The following PRKN variants were observed in gnomAD, a reference collection of about 807,000 sequenced individuals.
PRKN encodes the protein parkin RBR E3 ubiquitin protein ligase.
A neutral mutation model predicts 59.5 loss-of-function variants in PRKN; 56 were observed. The observed-to-expected ratio is 0.94, with a 90% CI of 0.76 to 1.18. The LOEUF (loss-of-function observed/expected upper bound fraction) is 1.18, where lower values mean the gene tolerates loss of function less well. Ranked by LOEUF, PRKN falls within the 50% of genes most tolerant of loss-of-function variation. The probability of loss-of-function intolerance (pLI) is 0.00; values close to 1 mark genes in which losing one functional copy is unlikely to be tolerated. For missense variants in PRKN, 657 were observed against 596.4 expected (o/e 1.10, Z -1.06); for synonymous variants, 250 against 222.1 (o/e 1.13, Z -1.12).
Position 161,444,706 on chromosome 6 carries a change from G to A in PRKN, c.1084-57829C>T, listed in dbSNP as rs541286828. Among the ~76,000 whole-genome samples, 1 of 152,348 alleles carries A rather than the reference G, an allele frequency of 6.6e-6. No individual in the cohort carries two copies. Among genetic ancestry groups the A allele is most frequent in the East Asian group, 1.9e-4 (1 of 5,178 alleles). On this transcript the variant is annotated intron_variant, in intron 9 of 11. Coordinates refer to ENST00000366898, the MANE Select transcript of PRKN (RefSeq NM_004562.3). The surrounding 1 kb of genome is among the most constrained non-coding windows in gnomAD (Gnocchi z 5.6). ...CAGCGAGCTTTGCACGAGCGCTACC[G>A]CGTGGCGGTGGAAACATTTGTTCCC...
chr6:161,877,233 C>A (rs1253832325), intron 6 of PRKN, among the ~76,000 whole-genome samples: 1 of 152,036 alleles, frequency 6.6e-6, no homozygotes, highest in Non-Finnish European at 1.5e-5. Flanking sequence ...TGGTGTCCCC[C>A]ACTCCAGCCA....
chr6:162,205,685 C>T (rs1197431072), intron 3 of PRKN, among the ~76,000 whole-genome samples: 1 of 152,078 alleles, frequency 6.6e-6, no homozygotes, highest in Non-Finnish European at 1.5e-5. Context: ...CCCAAGAGAA[C>T]TCTCTGCAAT....
At chr6:162,671,430 C>T (rs1779313114) in intron 1 of PRKN, among the ~76,000 whole-genome samples, 1 of 147,986 alleles carries the variant, frequency 6.8e-6, no homozygotes, top group African/African-American at 2.5e-5. Flanking sequence ...ACCCGGAAGG[C>T]GGAGGATGCA....
chr6:162,355,074 A>G (rs1322246932), intron 2 of PRKN, among the ~76,000 whole-genome samples: 1 of 152,014 alleles, frequency 6.6e-6, no homozygotes. Flanking sequence ...AAAGCCTATA[A>G]GACAGTCTAC....
intron 9 of PRKN, among the ~76,000 whole-genome samples, chr6:161,415,975 G>A (rs1162734743): frequency 6.6e-6 from 1 of 151,938 alleles, no homozygotes; most frequent in African/African-American, 2.4e-5. Flanking sequence ...CTCCCTCCGG[G>A]TCCCGTCTTT....
intron 2 of PRKN, among the ~76,000 whole-genome samples, chr6:162,279,357 G>A (rs996449479): frequency 6.9e-6 from 1 of 145,252 alleles, no homozygotes; most frequent in East Asian, 2.0e-4. Flanking sequence ...AAGAAAGAAA[G>A]AAAGAGAGAG....
chr6:162,478,641 C>G (rs753860913), intron 1 of PRKN, among the ~76,000 whole-genome samples: 1 of 152,024 alleles, frequency 6.6e-6, no homozygotes, highest in African/African-American at 2.4e-5. Context: ...TTAAGAATTG[C>G]GTTGTTAGGG....
chr6:161,734,845 A>T (rs1787898840), intron 7 of PRKN, among the ~76,000 whole-genome samples: 1 of 152,068 alleles, frequency 6.6e-6, no homozygotes, highest in Non-Finnish European at 1.5e-5. Flanking sequence ...TCCCTTTCCC[A>T]TTTGCCTATA....
At chr6:162,438,363 T>C (rs1358900986) in intron 2 of PRKN, among the ~76,000 whole-genome samples, 3 of 152,212 alleles carry the variant, frequency 2.0e-5, no homozygotes, top group African/African-American at 7.2e-5. Flanking sequence ...TTTAACCATA[T>C]TTTTGCTTAC....
Position 161,371,233 on chromosome 6 carries a change from C to T in PRKN, c.1168-11028G>A, listed in dbSNP as rs1381610871. Among the ~76,000 whole-genome samples the T allele has an allele frequency of 6.6e-6, 1 of 151,766 alleles. No homozygotes were observed. Among genetic ancestry groups the T allele is most frequent in the Admixed American group, 6.6e-5 (1 of 15,222 alleles). ...AGGCTGGAGTGCAATGGTGAAATCT[C>T]CGCTCACTGCAACCTCCACCTCCTG... On this transcript the variant is annotated intron_variant, in intron 10 of 11. Transcript: ENST00000366898. This position sits in a 1 kb window ranked among gnomAD's most constrained non-coding sequence, Gnocchi z 5.5.
intron 1 of PRKN, among the ~76,000 whole-genome samples, chr6:162,585,868 A>AT (rs111600883): frequency 6.6e-6 from 1 of 151,432 alleles, no homozygotes; most frequent in African/African-American, 2.4e-5. Flanking sequence ...TGCCCGGCTA[A>AT]TTTTTTTTGT....
At chr6:161,605,718 C>T (rs1782255892) in intron 7 of PRKN, among the ~76,000 whole-genome samples, 1 of 152,054 alleles carries the variant, frequency 6.6e-6, no homozygotes, top group Admixed American at 6.5e-5. Flanking sequence ...CCACGTTGGC[C>T]AGGCTGGTCT....
At chr6:161,888,295 C>T (rs1215282932) in intron 6 of PRKN, among the ~76,000 whole-genome samples, 1 of 152,150 alleles carries the variant, frequency 6.6e-6, no homozygotes, top group Non-Finnish European at 1.5e-5. Context: ...ACCTTCTACC[C>T]ATTCATGTTA....
At chr6:161,756,996 T>C (rs1788954719) in intron 7 of PRKN, among the ~76,000 whole-genome samples, 1 of 152,170 alleles carries the variant, frequency 6.6e-6, no homozygotes. Context: ...AGCAAAAGGA[T>C]ACTCTCTTCA....
At chr6:162,438,269 A>G (rs997314437) in intron 2 of PRKN, among the ~76,000 whole-genome samples, 9 of 152,176 alleles carry the variant, frequency 5.9e-5, no homozygotes, top group Admixed American at 3.9e-4. Context: ...TACATGTAGA[A>G]CTACATTAGA....
intron 7 of PRKN, among the ~76,000 whole-genome samples, chr6:161,623,170 T>C (rs1440367867): frequency 6.6e-6 from 1 of 152,240 alleles, no homozygotes; most frequent in Non-Finnish European, 1.5e-5. Context: ...GTGAGTCCAC[T>C]GAGGGCACCT....
At chr6:162,233,496 A>G (rs547614188) in intron 3 of PRKN, among the ~76,000 whole-genome samples, 22 of 152,336 alleles carry the variant, frequency 1.4e-4, no homozygotes, top group African/African-American at 4.6e-4. Context: ...ATGTTAATGG[A>G]AAGTGAAATA....
At position 161,973,434 on chromosome 6, in the gene PRKN, T is replaced by C; in HGVS notation, c.619-17A>G. On this transcript the variant is annotated splice_polypyrimidine_tract_variant and intron_variant, in intron 5 of 11. Transcript: ENST00000366898. ...GAAAAATTCCTGAAAGAAAGATAAATATGATCACACACATGGATCCCGGCT... is the reference window on the plus strand; with the variant it reads ...GAAAAATTCCTGAAAGAAAGATAAACATGATCACACACATGGATCCCGGCT... 3 of 1,393,084 alleles carry C rather than the reference T, an allele frequency of 2.2e-6. No individual in the cohort carries two copies. Among genetic ancestry groups the C allele is most frequent in the Non-Finnish European group, 3.1e-6 (3 of 978,858 alleles). 86.3% of individuals were successfully genotyped at this position (1,393,084 alleles called of 1,614,324 possible). A position where few individuals can be genotyped will look rare whatever the true frequency, so the allele number is the denominator to read the frequency against.
At chr6:162,047,513 C>A (rs780010622) in intron 5 of PRKN, among the ~76,000 whole-genome samples, 1 of 151,352 alleles carries the variant, frequency 6.6e-6, no homozygotes. Flanking sequence ...AAAACAAAAG[C>A]AAACCAACCT....
Sources: allele counts gnomAD v4.1 joint callset (sites outside exome capture counted in the v4.1 genomes callset), GRCh38; gene constraint gnomAD v4.1.1; non-coding constraint Gnocchi (gnomAD v3.1); transcripts MANE v1.5; gene names NCBI Gene and HGNC (gene_info 2026-07-23, HGNC 2026-07-21).